The following LARS2 variants were observed in gnomAD, a reference collection of about 807,000 sequenced individuals.
The protein encoded by LARS2 is leucyl-tRNA synthetase 2, mitochondrial.
A neutral mutation model predicts 116.6 loss-of-function variants in LARS2; 81 were observed. The observed-to-expected ratio is 0.69, with a 90% CI of 0.58 to 0.84. The LOEUF (loss-of-function observed/expected upper bound fraction) is 0.84. Among genes scored for constraint, LARS2 ranks in the 40% least tolerant of loss-of-function variants. The pLI, the probability that LARS2 is intolerant of heterozygous loss-of-function variation, is 0.00. For missense variants in LARS2, 968 were observed against 1,114.5 expected (o/e 0.87, Z 1.87); for synonymous variants, 396 against 407.2 (o/e 0.97, Z 0.33).
chr3:45,491,408 C>G, intron 12 of LARS2, 109 bp from the exon 13 acceptor site: 1 of 1,198,600 alleles, frequency 8.3e-7, no homozygotes, highest in Non-Finnish European at 1.2e-6. Flanking sequence ...CTGCACAGAA[C>G]TGGTCCCTTG....
At chr3:45,439,330 C>T (rs1246765509) in intron 6 of LARS2, among the ~76,000 whole-genome samples, 1 of 148,334 alleles carries the variant, frequency 6.7e-6, no homozygotes, top group Non-Finnish European at 1.5e-5. Context: ...CAAGCAATTC[C>T]CTGCCTCAGC....
At chr3:45,420,770 C>T (rs1321747216) in intron 6 of LARS2, among the ~76,000 whole-genome samples, 1 of 151,990 alleles carries the variant, frequency 6.6e-6, no homozygotes, top group Non-Finnish European at 1.5e-5. Context: ...TCCTTGAGGG[C>T]AAAAATGGAC....
chr3:45,454,157 G>A (rs566401268), intron 7 of LARS2, among the ~76,000 whole-genome samples: 9 of 152,284 alleles, frequency 5.9e-5, no homozygotes, highest in African/African-American at 1.7e-4. Flanking sequence ...AGATAGGAAA[G>A]CTGATAAACA....
At chr3:45,480,909 A>G (rs925693892) in intron 10 of LARS2, among the ~76,000 whole-genome samples, 63 of 152,356 alleles carry the variant, frequency 4.1e-4, no homozygotes, top group African/African-American at 1.4e-3. Context: ...AGCATACCAT[A>G]TAAGAACCTA....
At chr3:45,396,378 T>C (rs1259776665) in intron 3 of LARS2, among the ~76,000 whole-genome samples, 3 of 152,368 alleles carry the variant, frequency 2.0e-5, no homozygotes, top group African/African-American at 4.8e-5. Flanking sequence ...CCTTGCATTG[T>C]TTATCTCACA....
In LARS2 at chr3:45,446,981, G is replaced by C. The variant is rs771254087; in HGVS notation, c.606+1G>C. 2 of 1,562,922 alleles carry C rather than the reference G, an allele frequency of 1.3e-6. No homozygotes were observed. The highest frequency in any genetic ancestry group is 2.3e-5 in the South Asian group (2 of 88,468). ...GGCTGGGCTGGCCTATCAAAAGGAG[G>C]TAAGTTAAAATTAGCTGGACTTTTA... On this transcript the variant is annotated splice_donor_variant, in intron 7 of 21. Coordinates refer to ENST00000645846, the MANE Select transcript of LARS2 (RefSeq NM_015340.4). LOFTEE classifies it high-confidence loss of function.
chr3:45,453,712 G>A (rs1367687423), intron 7 of LARS2, among the ~76,000 whole-genome samples: 1 of 152,162 alleles, frequency 6.6e-6, no homozygotes, highest in Non-Finnish European at 1.5e-5. Context: ...TACTTTATAA[G>A]ACCTATGTGA....
chr3:45,399,874 T>C lies in LARS2; in HGVS notation c.235-371T>C, dbSNP rs147964593. On this transcript the variant is annotated intron_variant, in intron 3 of 21. Coordinates refer to ENST00000645846, the MANE Select transcript of LARS2 (RefSeq NM_015340.4). ...TAGCTCCCACATATCAGTGAGAACA[T>C]AAGATGTTTGGTTTTCCATTCCTGA... 4.2e-3 allele frequency among the ~76,000 whole-genome samples: 640 copies of C among 152,168 alleles called. 7 individuals carry two copies. The highest frequency in any genetic ancestry group is 0.014 in the African/African-American group (595 of 41,506).
chr3:45,522,091 C>G (rs75001882), intron 19 of LARS2, among the ~76,000 whole-genome samples: 1 of 151,920 alleles, frequency 6.6e-6, no homozygotes, highest in Admixed American at 6.5e-5. Context: ...GGTGACAAAG[C>G]GAGACTCTCT....
intron 10 of LARS2, among the ~76,000 whole-genome samples, chr3:45,481,329 T>C (rs761279328): frequency 1.9e-4 from 29 of 152,264 alleles, no homozygotes; most frequent in Non-Finnish European, 2.8e-4. Flanking sequence ...TCTATGAACA[T>C]TAATAAAGAT....
At chr3:45,491,872 C>G in intron 13 of LARS2, 72 bp downstream of exon 13, 1 of 1,427,874 alleles carries the variant, frequency 7.0e-7, no homozygotes, top group Non-Finnish European at 9.6e-7. Flanking sequence ...AGACAGCCTC[C>G]TCCCTCCTGG....
At chr3:45,449,003 G>A (rs1367351439) in intron 7 of LARS2, among the ~76,000 whole-genome samples, 1 of 152,190 alleles carries the variant, frequency 6.6e-6, no homozygotes, top group Non-Finnish European at 1.5e-5. Context: ...CAGCAGAAAT[G>A]TATTTCCTCA....
intron 6 of LARS2, among the ~76,000 whole-genome samples, chr3:45,428,783 A>G (rs1698642154): frequency 6.6e-6 from 1 of 152,206 alleles, no homozygotes; most frequent in African/African-American, 2.4e-5. Flanking sequence ...TTGAAAGAAT[A>G]GTACAATAAA....
chr3:45,453,805 T>A (rs1489920094), intron 7 of LARS2, among the ~76,000 whole-genome samples: 2 of 152,188 alleles, frequency 1.3e-5, no homozygotes, highest in African/African-American at 4.8e-5. Context: ...TATATTTTAC[T>A]AGCCTTCTGG....
At chr3:45,475,018 T>A (rs1253097172) in intron 9 of LARS2, among the ~76,000 whole-genome samples, 1 of 152,210 alleles carries the variant, frequency 6.6e-6, no homozygotes, top group Admixed American at 6.5e-5. Context: ...AACTTCTTTG[T>A]CTCTACTGAC....
intron 12 of LARS2, among the ~76,000 whole-genome samples, chr3:45,489,330 G>A (rs541731806): frequency 6.6e-6 from 1 of 152,194 alleles, no homozygotes; most frequent in Non-Finnish European, 1.5e-5. Flanking sequence ...TGGAAAGTAG[G>A]ATGGAAGAGG....
At chr3:45,468,773 A>C (rs577653591) in intron 8 of LARS2, among the ~76,000 whole-genome samples, 1 of 152,226 alleles carries the variant, frequency 6.6e-6, no homozygotes, top group South Asian at 2.1e-4. Flanking sequence ...GGCTGCTGCC[A>C]TACTTCCTGG....
At chr3:45,540,340 A>G (rs1004978913) in intron 20 of LARS2, among the ~76,000 whole-genome samples, 9 of 152,168 alleles carry the variant, frequency 5.9e-5, no homozygotes, top group African/African-American at 2.2e-4. Context: ...TTCTGCAAGG[A>G]GTGTGTACAC....
intron 6 of LARS2, among the ~76,000 whole-genome samples, chr3:45,442,695 G>A (rs938745448): frequency 1.3e-5 from 2 of 152,108 alleles, no homozygotes; most frequent in Non-Finnish European, 2.9e-5. Flanking sequence ...TCCTGTGTGC[G>A]CTGCAAGTCA....
Sources: allele counts gnomAD v4.1 joint callset (sites outside exome capture counted in the v4.1 genomes callset), GRCh38; gene constraint gnomAD v4.1.1; transcripts MANE v1.5; gene names NCBI Gene and HGNC (gene_info 2026-07-23, HGNC 2026-07-21).